The following STS variants were observed in gnomAD, a reference collection of about 807,000 sequenced individuals.
The protein encoded by STS is steroid sulfatase.
Under a neutral mutation model 26.8 loss-of-function variants are expected in STS, and 7 were observed. That is an observed-to-expected ratio of 0.26 (90% CI 0.15 to 0.49). STS has a LOEUF of 0.49. Among genes scored for constraint, STS ranks in the 20% least tolerant of loss-of-function variants. The probability of loss-of-function intolerance (pLI) is 0.98; values close to 1 mark genes in which losing one functional copy is unlikely to be tolerated. For synonymous variants in STS, 199 were observed against 189.4 expected, an observed-to-expected ratio of 1.05 and a Z score of -0.42; for missense variants, 434 against 465.6, an observed-to-expected ratio of 0.93 and a Z score of 0.63.
chrX:7,219,649 C>T (rs1272523496), intron 2 of STS: 3 of 1,211,336 alleles, frequency 2.5e-6, no homozygotes, highest in Admixed American at 2.2e-5. Flanking sequence ...CAGCTCAGTT[C>T]CCCAACAACA....
intron 6 of STS, among the ~76,000 whole-genome samples, chrX:7,275,131 G>T (rs1364677974): frequency 1.8e-5 from 2 of 109,636 alleles, no homozygotes; most frequent in Non-Finnish European, 3.8e-5. Flanking sequence ...AGTTACCAGG[G>T]ACTGGGGTTA....
intron 2 of STS, among the ~76,000 whole-genome samples, chrX:7,221,454 T>A (rs1191758787): frequency 4.5e-5 from 5 of 112,206 alleles, no homozygotes; most frequent in African/African-American, 1.6e-4. Context: ...TAGTTACAAC[T>A]TTTAGATGCT....
intron 1 of STS, among the ~76,000 whole-genome samples, chrX:7,166,269 A>T (rs1405489063): frequency 1.8e-5 from 2 of 110,809 alleles, no homozygotes; most frequent in African/African-American, 6.6e-5. Flanking sequence ...TGGCCTCCCA[A>T]AGTGCTGGGA....
intron 1 of STS, among the ~76,000 whole-genome samples, chrX:7,153,509 C>T (rs996676508): frequency 1.0e-5 from 1 of 96,384 alleles, no homozygotes; most frequent in African/African-American, 3.9e-5. Context: ...TCTTCTCCTC[C>T]ACTCTCTCCT....
chrX:7,209,602 T>G (rs1312760616), intron 2 of STS, among the ~76,000 whole-genome samples: 1 of 107,603 alleles, frequency 9.3e-6, no homozygotes, highest in Non-Finnish European at 1.9e-5. Flanking sequence ...ATTATTTATT[T>G]TATATATTTT....
At chrX:7,337,401 G>A (rs1489747005) in intron 10 of STS, among the ~76,000 whole-genome samples, 2 of 111,648 alleles carry the variant, frequency 1.8e-5, no homozygotes, top group Non-Finnish European at 3.8e-5. Context: ...TAAGGAAAAC[G>A]TGACTCTCAT....
chrX:7,308,866 A>G (rs1425122481), intron 8 of STS, among the ~76,000 whole-genome samples: 1 of 111,950 alleles, frequency 8.9e-6, no homozygotes, highest in Admixed American at 9.5e-5. Context: ...CTTGTTCTCT[A>G]GAGCTGCAAA....
At chrX:7,177,708 T>G (rs1327383510) in intron 1 of STS, among the ~76,000 whole-genome samples, 1 of 110,018 alleles carries the variant, frequency 9.1e-6, no homozygotes, top group African/African-American at 3.3e-5. Context: ...AGAGACAGGG[T>G]TTCACCATGT....
At chrX:7,153,946 T>C (rs1185482032) in intron 1 of STS, among the ~76,000 whole-genome samples, 1 of 109,394 alleles carries the variant, frequency 9.1e-6, no homozygotes, top group African/African-American at 3.3e-5. Context: ...TTTTCCTGTC[T>C]TCCTGTTCTC....
chrX:7,303,128 T>C (rs1926049747), intron 7 of STS, among the ~76,000 whole-genome samples: 1 of 111,060 alleles, frequency 9.0e-6, no homozygotes, highest in African/African-American at 3.3e-5. Context: ...AATGGAATCA[T>C]GGGGGAGATT....
rs759561492 is a variant in STS at position 7,327,376 on chromosome X, CT to C, written c.1241+1889del. On this transcript the variant is annotated intron_variant, in intron 9 of 10. Coordinates refer to ENST00000674429, the MANE Select transcript of STS (RefSeq NM_001320752.2). ...GACCTGCACTGGTTGAATTCATATT[CT>C]TTTTTTTTTTCTTTTTTTTTTTTGA... Among the ~76,000 whole-genome samples, 50 of 99,774 alleles carry C rather than the reference CT, an allele frequency of 5.0e-4. No homozygotes were observed. The South Asian group carries it at 8.4e-3, about 17-fold the overall frequency. The allele number at this position is 99,774 out of a possible 115,157, so 86.6% of individuals were successfully genotyped here. A position where few individuals can be genotyped will look rare whatever the true frequency, so the allele number is the denominator to read the frequency against.
At chrX:7,170,114 CTTG>C (rs1197727491) in intron 1 of STS, among the ~76,000 whole-genome samples, 6 of 111,676 alleles carry the variant, frequency 5.4e-5, no homozygotes, top group African/African-American at 2.0e-4. Context: ...ATTATAGGGT[CTTG>C]TTGTAGAATA....
intron 2 of STS, among the ~76,000 whole-genome samples, chrX:7,223,972 G>A (rs1204771557): frequency 1.8e-5 from 2 of 110,748 alleles, no homozygotes; most frequent in African/African-American, 6.6e-5. Flanking sequence ...AGGCATTGGC[G>A]AGAGTTAGTT....
Position 7,158,427 on chromosome X carries a change from C to T in STS, c.-134+10344C>T, listed in dbSNP as rs1056965607. Among the ~76,000 whole-genome samples the T allele has an allele frequency of 1.2e-4, 14 of 112,294 alleles. No homozygotes were observed. In the South Asian group the frequency reaches 1.5e-3, roughly 12 times the overall value. ...AGTTGGAGGAAGAGACAACATCGCC[C>T]GCATCTCAGGAGTTGCAAATGGGGG... On this transcript the variant is annotated intron_variant, in intron 1 of 10. Transcript: ENST00000674429.
intron 1 of STS, among the ~76,000 whole-genome samples, chrX:7,183,823 G>A (rs1306692012): frequency 1.8e-5 from 2 of 110,871 alleles, no homozygotes; most frequent in Admixed American, 9.6e-5. Flanking sequence ...CCAACATGGC[G>A]AAACCTCATC....
At chrX:7,185,289 G>A (rs1285398534) in intron 1 of STS, among the ~76,000 whole-genome samples, 2 of 112,886 alleles carry the variant, frequency 1.8e-5, no homozygotes, top group Non-Finnish European at 3.7e-5. Flanking sequence ...GTCAGGGGTT[G>A]CAAACATTTT....
chrX:7,215,056 T>G (rs1476095062), intron 2 of STS, among the ~76,000 whole-genome samples: 3 of 93,559 alleles, frequency 3.2e-5, no homozygotes, highest in African/African-American at 1.2e-4. Flanking sequence ...TATATACGTA[T>G]ATATGTATAT....
chrX:7,278,653 A>G (rs752616275), intron 7 of STS, among the ~76,000 whole-genome samples: 4 of 112,054 alleles, frequency 3.6e-5, no homozygotes, highest in Non-Finnish European at 7.5e-5. Flanking sequence ...CTTCATACAG[A>G]TGTTGTGAGA....
intron 3 of STS, among the ~76,000 whole-genome samples, chrX:7,254,917 C>T (rs1432970251): frequency 8.9e-6 from 1 of 111,742 alleles, no homozygotes; most frequent in Non-Finnish European, 1.9e-5. Flanking sequence ...ATACTAAATA[C>T]CTGAAGCCAG....
Sources: allele counts gnomAD v4.1 joint callset (sites outside exome capture counted in the v4.1 genomes callset), GRCh38; gene constraint gnomAD v4.1.1; transcripts MANE v1.5; gene names NCBI Gene and HGNC (gene_info 2026-07-23, HGNC 2026-07-21).